GOLIM4: variants seen among roughly 807,000 people sequenced by gnomAD.
GOLIM4 encodes the protein 130 kDa golgi-localized phosphoprotein.
In GOLIM4, 71 loss-of-function variants were observed where a neutral mutation model predicts 107.4. That is an observed-to-expected ratio of 0.66 (90% CI 0.55 to 0.81). The LOEUF (loss-of-function observed/expected upper bound fraction) is 0.81. Ranked by LOEUF, GOLIM4 falls within the 30% of genes least tolerant of loss-of-function variation. GOLIM4 has a pLI of 0.00. For synonymous variants in GOLIM4, 327 were observed against 294.8 expected (o/e 1.11, Z -1.12); for missense variants, 830 against 826.1 (o/e 1.00, Z -0.06).
intron 1 of GOLIM4, among the ~76,000 whole-genome samples, chr3:168,084,508 A>C (rs954912606): frequency 1.3e-5 from 2 of 152,180 alleles, no homozygotes; most frequent in African/African-American, 4.8e-5. Context: ...CTTTAATCCC[A>C]ATCAAGTTTT....
chr3:168,088,559 T>C (rs1560112524), intron 1 of GOLIM4, among the ~76,000 whole-genome samples: 1 of 152,202 alleles, frequency 6.6e-6, no homozygotes, highest in Non-Finnish European at 1.5e-5. Context: ...GGTAAATGCC[T>C]GAGTTGCACT....
At position 168,048,385 on chromosome 3, in the gene GOLIM4, T is replaced by C. The variant is rs182332427; in HGVS notation, c.188-20A>G. 28 of 1,215,478 alleles carry C rather than the reference T, an allele frequency of 2.3e-5. No individual in the cohort carries two copies. The East Asian group carries it at 6.6e-4, about 29-fold the overall frequency. The allele number at this position is 1,215,478 out of a possible 1,614,324, so 75.3% of individuals were successfully genotyped here. A position where few individuals can be genotyped will look rare whatever the true frequency, so the allele number is the denominator to read the frequency against. On this transcript the variant is annotated intron_variant, in intron 1 of 15. Transcript: ENST00000470487. ...ATACAACTGGAAAAAAAGTTAACAT[T>C]TTTGTCTTCAAAGAATTAGAAATTT... is the stretch of plus-strand genomic sequence containing the variant.
chr3:168,059,499 T>C (rs1328025572), intron 1 of GOLIM4, among the ~76,000 whole-genome samples: 1 of 152,248 alleles, frequency 6.6e-6, no homozygotes, highest in Non-Finnish European at 1.5e-5. Context: ...TTAAGGTTAC[T>C]ACTGCATCCC....
chr3:168,052,301 C>T (rs915382678), intron 1 of GOLIM4, among the ~76,000 whole-genome samples: 5 of 152,066 alleles, frequency 3.3e-5, no homozygotes, highest in Admixed American at 2.6e-4. Flanking sequence ...TCCAACCCTA[C>T]AGTTAAAGTC....
intron 14 of GOLIM4, among the ~76,000 whole-genome samples, chr3:168,012,599 A>C (rs994283042): frequency 1.4e-5 from 2 of 143,728 alleles, no homozygotes; most frequent in African/African-American, 5.9e-5. Context: ...AGATTCACCA[A>C]AGTTGAAATG....
rs1718101543 is a variant in GOLIM4 at position 168,027,978 on chromosome 3, TG to T, written c.1514-142del. ...TTAACTCAACATAAGGCCTATGTCC[TG>T]GCTTTTCTGAATAAGGTTATGTTCT... On this transcript the variant is annotated intron_variant, in intron 11 of 15. Coordinates refer to ENST00000470487, the MANE Select transcript of GOLIM4 (RefSeq NM_014498.5). 1.6e-5 allele frequency: 10 copies of T among 637,574 alleles called. No individual in the cohort carries two copies. The South Asian group carries it at 1.9e-4, about 12-fold the overall frequency. 39.5% of individuals were successfully genotyped at this position (637,574 alleles called of 1,614,324 possible).
chr3:168,037,780 A>G (rs770321847), intron 7 of GOLIM4, among the ~76,000 whole-genome samples: 3 of 152,246 alleles, frequency 2.0e-5, no homozygotes, highest in African/African-American at 4.8e-5. Context: ...CTAGAAAATT[A>G]GAAAAAAATC....
At chr3:168,085,482 AG>A (rs1721574538) in intron 1 of GOLIM4, among the ~76,000 whole-genome samples, 1 of 152,234 alleles carries the variant, frequency 6.6e-6, no homozygotes. Context: ...GAAAATTCAA[AG>A]AAGTTTCACA....
At chr3:168,056,942 T>C (rs1186422930) in intron 1 of GOLIM4, among the ~76,000 whole-genome samples, 4 of 152,158 alleles carry the variant, frequency 2.6e-5, no homozygotes, top group Non-Finnish European at 5.9e-5. Flanking sequence ...TAATTGGTTT[T>C]GAAATGTGAG....
Position 168,095,278 on chromosome 3 carries a change from T to C in GOLIM4, c.8A>G (p.Asn3Ser). MG[N>S]GMCSRKQKRI... is the part of the protein sequence containing the mutation. Reference sequence around the variant, plus strand: ...CTTCTGCTTTCGGGAGCACATCCCGTTTCCCATAGTCCCGCCTGGACCCAA... The same window carrying C: ...CTTCTGCTTTCGGGAGCACATCCCGCTTCCCATAGTCCCGCCTGGACCCAA... Residue 3 changes from asparagine to serine, a missense_variant, in exon 1 of 16, where the codon AAC becomes AGC. Asn to Ser is a conservative substitution (Grantham distance 46, BLOSUM62 1). Coordinates refer to ENST00000470487, the MANE Select transcript of GOLIM4 (RefSeq NM_014498.5). 6.2e-7 allele frequency: 1 copy of C among 1,612,236 alleles called. No homozygotes were observed. Among genetic ancestry groups the C allele is most frequent in the Non-Finnish European group, 8.5e-7 (1 of 1,179,728 alleles).
intron 7 of GOLIM4, among the ~76,000 whole-genome samples, chr3:168,037,751 A>G (rs1487468738): frequency 6.6e-6 from 1 of 152,178 alleles, no homozygotes; most frequent in East Asian, 1.9e-4. Context: ...TGTCTGTGTA[A>G]TATTTTTAAT....
chr3:168,010,310 C>A lies in GOLIM4; in HGVS notation c.2050G>T (p.Ala684Ser). Residue 684 changes from alanine (A) to serine (S), a missense_variant, in exon 16 of 16, where the codon GCT becomes TCT. Physicochemically the swap from Ala to Ser is moderately conservative, Grantham distance 99 (BLOSUM62 1). Transcript: ENST00000470487. ...EEEEEEEEDGAAVAEKSHRRA... is the reference protein window; with the variant it reads ...EEEEEEEEDGSAVAEKSHRRA... ...CGATGTGATTTCTCAGCAACTGCAG[C>A]CCCGTCTTCTTCCTCCTCTTCTTCC... 1 of 1,613,824 alleles carries A rather than the reference C, an allele frequency of 6.2e-7. No homozygotes were observed. Among genetic ancestry groups the A allele is most frequent in the Non-Finnish European group, 8.5e-7 (1 of 1,179,856 alleles).
At chr3:168,013,449 T>C (rs1017397898) in intron 14 of GOLIM4, among the ~76,000 whole-genome samples, 6 of 150,844 alleles carry the variant, frequency 4.0e-5, no homozygotes, top group African/African-American at 9.9e-5. Context: ...TGGGAGACTT[T>C]AACACCCCAC....
chr3:168,039,489 C>G (rs1718853048), intron 7 of GOLIM4, among the ~76,000 whole-genome samples: 1 of 152,060 alleles, frequency 6.6e-6, no homozygotes. Flanking sequence ...GTCTCAAACT[C>G]CTGACCTCAG....
In GOLIM4 at chr3:168,032,554, G is replaced by A; in HGVS notation, c.1142C>T (p.Ala381Val). The part of the protein sequence containing the change: ...EWKEQHEQRE[A>V]ANLLEGHARA... Reference sequence around the variant, plus strand: ...CGCGTGCCCTTCCAGGAGGTTGGCTGCTTCTCGTTGCTCATGCTGCTCTTT... The same window carrying A: ...CGCGTGCCCTTCCAGGAGGTTGGCTACTTCTCGTTGCTCATGCTGCTCTTT... The change falls in exon 9 of 16, where the codon GCA becomes GTA. Residue 381 changes from alanine (A) to valine (V), a missense_variant. Coordinates refer to ENST00000470487, the MANE Select transcript of GOLIM4 (RefSeq NM_014498.5). 6 of 1,614,072 alleles carry A rather than the reference G, an allele frequency of 3.7e-6. No individual in the cohort carries two copies. The highest frequency in any genetic ancestry group is 4.5e-5 in the East Asian group (2 of 44,878).
chr3:168,032,049 T>C (rs929815901), intron 9 of GOLIM4, among the ~76,000 whole-genome samples: 4 of 152,028 alleles, frequency 2.6e-5, no homozygotes, highest in Non-Finnish European at 5.9e-5. Flanking sequence ...AGTAGTAAAA[T>C]CAGATTTTTG....
chr3:168,041,277 C>T, intron 6 of GOLIM4, 115 bp downstream of exon 6: 1 of 658,966 alleles, frequency 1.5e-6, no homozygotes, highest in Non-Finnish European at 2.7e-6. Context: ...AATGCAAAGC[C>T]CACAATAACA....
At chr3:168,036,763 A>T in intron 8 of GOLIM4, 73 bp downstream of exon 8, 2 of 1,244,852 alleles carry the variant, frequency 1.6e-6, no homozygotes, top group Non-Finnish European at 2.2e-6. Flanking sequence ...TGGCAATATT[A>T]AAAGCAGGTC....
At chr3:168,074,631 T>A (rs567694387) in intron 1 of GOLIM4, among the ~76,000 whole-genome samples, 2 of 152,242 alleles carry the variant, frequency 1.3e-5, no homozygotes, top group African/African-American at 4.8e-5. Flanking sequence ...TTACAAAGAA[T>A]CATCTTTGTA....
Sources: allele counts gnomAD v4.1 joint callset (sites outside exome capture counted in the v4.1 genomes callset), GRCh38; gene constraint gnomAD v4.1.1; transcripts MANE v1.5; gene names NCBI Gene and HGNC (gene_info 2026-07-23, HGNC 2026-07-21).